TNR: variants seen among roughly 807,000 people sequenced by gnomAD.
The protein encoded by TNR is tenascin R, also known as tenascin-R.
A neutral mutation model predicts 150.4 loss-of-function variants in TNR; 45 were observed. The ratio of observed to expected loss-of-function variants is 0.30; its 90% CI spans 0.24 to 0.38. The LOEUF (loss-of-function observed/expected upper bound fraction) is 0.38, where lower values mean the gene tolerates loss of function less well. Ranked by LOEUF, TNR falls within the 10% of genes least tolerant of loss-of-function variation. The pLI is 1.00. For synonymous variants in TNR, 687 were observed against 678.4 expected (o/e 1.01, Z -0.20); for missense variants, 1,544 against 1,759.1 (o/e 0.88, Z 2.19).
intron 2 of TNR, among the ~76,000 whole-genome samples, chr1:175,409,510 G>A (rs888808512): frequency 1.3e-5 from 2 of 152,260 alleles, no homozygotes; most frequent in South Asian, 4.2e-4. Context: ...TACTTTAGTC[G>A]ATAACTAAAC....
chr1:175,652,192 CATATT>C (rs1219938395), intron 1 of TNR, among the ~76,000 whole-genome samples: 4 of 146,486 alleles, frequency 2.7e-5, no homozygotes, highest in African/African-American at 7.5e-5. Context: ...AATATATTAT[CATATT>C]ATATTATTCT....
At chr1:175,390,211 G>T (rs888174244) in intron 7 of TNR, among the ~76,000 whole-genome samples, 1 of 152,214 alleles carries the variant, frequency 6.6e-6, no homozygotes, top group African/African-American at 2.4e-5. Context: ...AGCAGAGCAT[G>T]AATCACTAAT....
At position 175,686,820 on chromosome 1, in the gene TNR, T is replaced by C. The variant is rs549708126; in HGVS notation, c.-165+56406A>G. On this transcript the variant is annotated intron_variant, in intron 1 of 22. Coordinates refer to ENST00000367674, the MANE Select transcript of TNR (RefSeq NM_003285.3). ...TCCATGTTGCTGTAAAGAACATGAC[T>C]TCATTCTTTTTATGGCTGCGTAGTA... Among the ~76,000 whole-genome samples the C allele has an allele frequency of 1.1e-3, 173 of 152,330 alleles. 2 individuals carry two copies. Among genetic ancestry groups the C allele is most frequent in the African/African-American group, 4.0e-3 (166 of 41,566 alleles).
intron 2 of TNR, among the ~76,000 whole-genome samples, chr1:175,517,153 T>C (rs1389302623): frequency 6.6e-6 from 1 of 152,092 alleles, no homozygotes; most frequent in African/African-American, 2.4e-5. Context: ...GAAATATCTT[T>C]TCTGGACACT....
At chr1:175,550,215 C>T (rs535072316) in intron 1 of TNR, among the ~76,000 whole-genome samples, 428 of 152,288 alleles carry the variant, frequency 2.8e-3, no homozygotes, top group African/African-American at 9.5e-3. Context: ...ACAAGTGCCT[C>T]TGAAGAATGG....
chr1:175,323,360 G>A lies in TNR; in HGVS notation c.4074C>T (p.Phe1358=). Residue 1358 remains phenylalanine, a synonymous_variant, in exon 23 of 23, where the codon TTC becomes TTT. Transcript: ENST00000367674. ...MAGRKRQSLQ[F] ...TTGGCTTGCAGCCGCCCACTGCTCA[G>A]AACTGTAAGGACTGCCGTTTTCTCC... The A allele has an allele frequency of 6.2e-7, 1 of 1,614,092 alleles. No homozygotes were observed. The highest frequency in any genetic ancestry group is 8.5e-7 in the Non-Finnish European group (1 of 1,179,964).
chr1:175,525,351 T>C (rs1326554795), intron 2 of TNR, among the ~76,000 whole-genome samples: 1 of 152,120 alleles, frequency 6.6e-6, no homozygotes, highest in Non-Finnish European at 1.5e-5. Context: ...CTAATACACA[T>C]AGGGAACAGC....
chr1:175,704,966 C>T (rs1666806658), intron 1 of TNR, among the ~76,000 whole-genome samples: 1 of 152,118 alleles, frequency 6.6e-6, no homozygotes, highest in East Asian at 1.9e-4. Context: ...TGTTTTGTTT[C>T]CTCAGCAAGG....
chr1:175,700,730 T>C (rs1666668813), intron 1 of TNR, among the ~76,000 whole-genome samples: 1 of 152,180 alleles, frequency 6.6e-6, no homozygotes, highest in South Asian at 2.1e-4. Context: ...AGGGGCCCTC[T>C]TGGGTCCCAT....
At chr1:175,392,473 G>C (rs1653221636) in intron 6 of TNR, among the ~76,000 whole-genome samples, 1 of 152,174 alleles carries the variant, frequency 6.6e-6, no homozygotes, top group African/African-American at 2.4e-5. Context: ...CTTTTAATTA[G>C]AGTTTTACAT....
At chr1:175,508,386 C>T (rs2102156552) in intron 2 of TNR, among the ~76,000 whole-genome samples, 1 of 152,306 alleles carries the variant, frequency 6.6e-6, no homozygotes, top group African/African-American at 2.4e-5. Flanking sequence ...AGTCATGCCA[C>T]CTCCTGGTAT....
At chr1:175,572,540 A>G (rs1286841291) in intron 1 of TNR, among the ~76,000 whole-genome samples, 1 of 152,150 alleles carries the variant, frequency 6.6e-6, no homozygotes, top group African/African-American at 2.4e-5. Context: ...GGTCACATCA[A>G]TCAGTCAGTC....
intron 1 of TNR, among the ~76,000 whole-genome samples, chr1:175,727,300 A>G (rs1268174400): frequency 6.6e-6 from 1 of 152,246 alleles, no homozygotes; most frequent in Non-Finnish European, 1.5e-5. Flanking sequence ...AGTAAGTACG[A>G]ATAATTGTCC....
At chr1:175,603,386 C>T (rs191520018) in intron 1 of TNR, among the ~76,000 whole-genome samples, 73 of 152,322 alleles carry the variant, frequency 4.8e-4, no homozygotes, top group African/African-American at 1.6e-3. Context: ...TAAGAATTGA[C>T]AAAAACTTGA....
chr1:175,737,053 A>G (rs766149994), intron 1 of TNR, among the ~76,000 whole-genome samples: 14 of 152,140 alleles, frequency 9.2e-5, no homozygotes, highest in Non-Finnish European at 1.5e-4. Flanking sequence ...AAAAACAAAA[A>G]TAACAACAAC....
In TNR at chr1:175,382,103, C is replaced by T. The variant is rs537403781; in HGVS notation, c.1778-2366G>A. 3.0e-3 allele frequency among the ~76,000 whole-genome samples: 456 copies of T among 152,288 alleles called. 2 individuals carry two copies. The highest frequency in any genetic ancestry group is 0.01 in the Middle Eastern group (3 of 294). ...GGCCACGCTTCTGTACCGTTTATTT[C>T]GCTTTTCATTATAGTACTCATAATC... On this transcript the variant is annotated intron_variant, in intron 8 of 22. Coordinates refer to ENST00000367674, the MANE Select transcript of TNR (RefSeq NM_003285.3).
intron 1 of TNR, among the ~76,000 whole-genome samples, chr1:175,667,458 T>C (rs1001218946): frequency 1.8e-4 from 27 of 152,228 alleles, no homozygotes; most frequent in Non-Finnish European, 3.1e-4. Context: ...TATTCATTCT[T>C]AAACATTTCT....
intron 7 of TNR, 62 bp from the exon 8 acceptor site, chr1:175,386,363 C>T (rs1209622191): frequency 6.8e-7 from 1 of 1,470,936 alleles, no homozygotes; most frequent in East Asian, 2.4e-5. Flanking sequence ...TGGGTGTCAG[C>T]TCTCTCTTTT....
intron 4 of TNR, among the ~76,000 whole-genome samples, chr1:175,400,938 C>A (rs1196746922): frequency 6.6e-6 from 1 of 152,194 alleles, no homozygotes; most frequent in Non-Finnish European, 1.5e-5. Context: ...TAAGAGCAGA[C>A]CTCCTGCAAA....
Sources: gnomAD v4.1 joint callset for allele counts (sites outside exome capture counted in the v4.1 genomes callset) on GRCh38, gnomAD v4.1.1 for gene constraint, MANE v1.5 for transcripts, NCBI Gene and HGNC (gene_info 2026-07-23, HGNC 2026-07-21) for gene names.